TAF4: variants seen among roughly 807,000 people sequenced by gnomAD.
TAF4 encodes TATA-box binding protein associated factor 4.
A neutral mutation model predicts 90.3 loss-of-function variants in TAF4; 9 were observed. The ratio of observed to expected loss-of-function variants is 0.10; its 90% CI spans 0.06 to 0.17. The LOEUF (loss-of-function observed/expected upper bound fraction) is 0.17, where lower values mean the gene tolerates loss of function less well. Among genes scored for constraint, TAF4 ranks in the 10% least tolerant of loss-of-function variants. The probability of loss-of-function intolerance (pLI) is 1.00; values close to 1 mark genes in which losing one functional copy is unlikely to be tolerated. For missense variants in TAF4, 1,351 were observed against 1,370.7 expected, an observed-to-expected ratio of 0.99 and a Z score of 0.23; for synonymous variants, 818 against 638.9, an observed-to-expected ratio of 1.28 and a Z score of -4.23.
At chr20:61,977,278 C>A (rs995517643) in intron 14 of TAF4, among the ~76,000 whole-genome samples, 1 of 152,202 alleles carries the variant, frequency 6.6e-6, no homozygotes, top group Non-Finnish European at 1.5e-5. Context: ...GGGGCACGTG[C>A]CACACAACTC....
At chr20:62,013,320 G>C in intron 2 of TAF4, among the ~76,000 whole-genome samples, 1 of 152,222 alleles carries the variant, frequency 6.6e-6, no homozygotes, top group East Asian at 1.9e-4. Flanking sequence ...CCCTAGGCTA[G>C]ATGGCCAGTC....
chr20:62,062,967 G>A (rs1358405741), intron 1 of TAF4, among the ~76,000 whole-genome samples: 5 of 152,176 alleles, frequency 3.3e-5, no homozygotes, highest in Non-Finnish European at 7.3e-5. Context: ...ATAGATCACA[G>A]CCATCAAACA....
chr20:62,044,265 G>C (rs981146307), intron 1 of TAF4, among the ~76,000 whole-genome samples: 2 of 152,092 alleles, frequency 1.3e-5, no homozygotes, highest in African/African-American at 4.8e-5. Flanking sequence ...TGCTACCAGA[G>C]ATGATCTCCA....
At chr20:61,996,600 A>G (rs2123118505) in intron 14 of TAF4, among the ~76,000 whole-genome samples, 1 of 152,086 alleles carries the variant, frequency 6.6e-6, no homozygotes, top group South Asian at 2.1e-4. Context: ...AGAGATCGAG[A>G]CCATCCTGGC....
At chr20:62,035,530 C>G (rs2055927467) in intron 1 of TAF4, among the ~76,000 whole-genome samples, 1 of 152,162 alleles carries the variant, frequency 6.6e-6, no homozygotes, top group African/African-American at 2.4e-5. Flanking sequence ...GAAAATGGAG[C>G]TCTAACTCAC....
chr20:62,004,517 G>A (rs1353497026), intron 7 of TAF4: 2 of 150,978 alleles, frequency 1.3e-5, no homozygotes, highest in East Asian at 1.9e-4. Flanking sequence ...TTGTAGAGAT[G>A]GGGTTTCACC....
chr20:62,008,777 G>C (rs1228843838), intron 5 of TAF4: 2 of 315,104 alleles, frequency 6.3e-6, no homozygotes, highest in Non-Finnish European at 1.2e-5. Flanking sequence ...CAGAGGAGAA[G>C]AGAGCCACAG....
chr20:62,065,270 CG>C lies in TAF4; in HGVS notation c.540del (p.Gly181AlafsTer18). On this transcript the variant is annotated frameshift_variant, in exon 1 of 15. Transcript: ENST00000252996. LOFTEE classifies it high-confidence loss of function. Reference sequence around the variant, plus strand: ...GGCTTGCCAGGGCCAGGGCCGGGGCCGGGGCCGGGGCCGGGCCCGGGGCCGG... The same window carrying C: ...GGCTTGCCAGGGCCAGGGCCGGGGCCGGGCCGGGGCCGGGCCCGGGGCCGG... ...AGPGPGPGPG[P>X]GPGPGPGKPA... 5.4e-6 allele frequency: 5 copies of C among 923,646 alleles called. No individual in the cohort carries two copies. Among genetic ancestry groups the C allele is most frequent in the Non-Finnish European group, 6.3e-6 (5 of 787,980 alleles). The allele number at this position is 923,646 out of a possible 1,614,324, so 57.2% of individuals were successfully genotyped here. A position where few individuals can be genotyped will look rare whatever the true frequency, so the allele number is the denominator to read the frequency against.
At chr20:61,981,208 C>T (rs970488889) in intron 14 of TAF4, 1 of 152,266 alleles carries the variant, frequency 6.6e-6, no homozygotes, top group African/African-American at 2.4e-5. Flanking sequence ...GCAAATACCC[C>T]AAGGCCACCA....
At chr20:62,036,395 T>G (rs531155050) in intron 1 of TAF4, among the ~76,000 whole-genome samples, 1 of 152,186 alleles carries the variant, frequency 6.6e-6, no homozygotes, top group African/African-American at 2.4e-5. Context: ...ATTCGAGGAA[T>G]TGAAAAGTCT....
intron 14 of TAF4, among the ~76,000 whole-genome samples, chr20:61,977,987 G>T (rs1406716644): frequency 1.3e-5 from 2 of 152,260 alleles, no homozygotes; most frequent in Non-Finnish European, 2.9e-5. Flanking sequence ...GCTGCCGAGG[G>T]TAAGAAATCA....
intron 1 of TAF4, among the ~76,000 whole-genome samples, chr20:62,043,758 T>G (rs1352144107): frequency 6.6e-6 from 1 of 152,202 alleles, no homozygotes; most frequent in Admixed American, 6.5e-5. Flanking sequence ...CCACACAGCC[T>G]AAGAGTGTAG....
Position 62,064,615 on chromosome 20 carries a change from C to T in TAF4, c.1196G>A (p.Gly399Glu). ...TGCGCCGGCCGCGCCTTTGGGCAGC[C>T]CGGTGGGGGTCCCGGGGGCGGGCGG... ...VPPPAPGTPTGLPKGAAGAVT... is the reference protein window; with the variant it reads ...VPPPAPGTPTELPKGAAGAVT... The change falls in exon 1 of 15, where the codon GGG becomes GAG. Residue 399 changes from glycine to glutamate, a missense_variant. This residue lies in a region of TAF4 where 782 missense variants were observed against 536.6 expected (regional missense o/e 1.46). Coordinates refer to ENST00000252996, the MANE Select transcript of TAF4 (RefSeq NM_003185.4). The T allele has an allele frequency of 7.2e-7, 1 of 1,393,040 alleles. No individual in the cohort carries two copies. The highest frequency in any genetic ancestry group is 9.3e-7 in the Non-Finnish European group (1 of 1,079,148). The allele number at this position is 1,393,040 out of a possible 1,614,324, so 86.3% of individuals were successfully genotyped here. A position where few individuals can be genotyped will look rare whatever the true frequency, so the allele number is the denominator to read the frequency against.
intron 1 of TAF4, among the ~76,000 whole-genome samples, chr20:62,029,645 C>A (rs978540556): frequency 6.6e-6 from 1 of 152,168 alleles, no homozygotes; most frequent in East Asian, 1.9e-4. Context: ...TGGTGGCTCA[C>A]GCCTGTAATC....
At chr20:62,055,351 T>C (rs1226212166) in intron 1 of TAF4, among the ~76,000 whole-genome samples, 1 of 151,398 alleles carries the variant, frequency 6.6e-6, no homozygotes, top group Non-Finnish European at 1.5e-5. Context: ...TGCAATACGA[T>C]CGATTCACAC....
At chr20:62,003,072 A>G in intron 9 of TAF4, 88 bp downstream of exon 9, 1 of 1,134,668 alleles carries the variant, frequency 8.8e-7, no homozygotes. Context: ...CGTGGGAAAG[A>G]CCCGTGGGCG....
intron 1 of TAF4, among the ~76,000 whole-genome samples, chr20:62,049,082 G>A (rs1217190327): frequency 1.8e-5 from 2 of 113,178 alleles, no homozygotes; most frequent in Non-Finnish European, 3.5e-5. Context: ...ACCAGGCTCC[G>A]TCCCCCAACT....
intron 1 of TAF4, among the ~76,000 whole-genome samples, chr20:62,060,138 C>A (rs1318344239): frequency 6.6e-6 from 1 of 152,210 alleles, no homozygotes; most frequent in African/African-American, 2.4e-5. Flanking sequence ...CACCGGGGAG[C>A]CCGGGGGCAG....
Position 62,064,865 on chromosome 20 carries a change from C to T in TAF4, c.946G>A (p.Ala316Thr), listed in dbSNP as rs1156889580. The T allele has an allele frequency of 2.5e-5, 23 of 934,840 alleles. No homozygotes were observed. The highest frequency in any genetic ancestry group is 2.9e-5 in the Non-Finnish European group (23 of 791,026). 57.9% of individuals were successfully genotyped at this position (934,840 alleles called of 1,614,324 possible). The change falls in exon 1 of 15, where the codon GCC (alanine) becomes ACC (threonine). Residue 316 changes from alanine to threonine, a missense_variant. By Grantham distance (58) the Ala-to-Thr change is moderately conservative (BLOSUM62 0). This residue lies in a region of TAF4 where 782 missense variants were observed against 536.6 expected (regional missense o/e 1.46). Transcript: ENST00000252996. Reference sequence around the variant, plus strand: ...CCCGCGGGGCCCCCGGCGGCCGGGGCGGGGGCGGGGGCTGCCCCGGCGCTG... The same window carrying T: ...CCCGCGGGGCCCCCGGCGGCCGGGGTGGGGGCGGGGGCTGCCCCGGCGCTG... Reference protein sequence around the residue: ...GGSAGAAPAPAPAAGGPAGVS... With the variant: ...GGSAGAAPAPTPAAGGPAGVS...
Sources: allele counts gnomAD v4.1 joint callset (sites outside exome capture counted in the v4.1 genomes callset), GRCh38; gene constraint gnomAD v4.1.1; regional missense constraint gnomAD v4.1.1; transcripts MANE v1.5; gene names NCBI Gene and HGNC (gene_info 2026-07-23, HGNC 2026-07-21).